Variants in GDPD4 observed in about 807,000 individuals in gnomAD.
The protein encoded by GDPD4 is glycerophosphodiester phosphodiesterase domain containing 4.
Under a neutral mutation model 67.8 loss-of-function variants are expected in GDPD4, and 60 were observed. That is an observed-to-expected ratio of 0.88 (90% CI 0.72 to 1.10). GDPD4 has a LOEUF of 1.10. Ranked by LOEUF, GDPD4 falls within the 50% of genes least tolerant of loss-of-function variation. The probability of loss-of-function intolerance (pLI) is 0.00; values close to 1 mark genes in which losing one functional copy is unlikely to be tolerated. For synonymous variants in GDPD4, 212 were observed against 210.9 expected (o/e 1.00, Z -0.04); for missense variants, 623 against 613.9 (o/e 1.01, Z -0.16).
chr11:77,280,253 T>C (rs547704109), intron 3 of GDPD4, among the ~76,000 whole-genome samples: 1 of 151,762 alleles, frequency 6.6e-6, no homozygotes, highest in Non-Finnish European at 1.5e-5. Flanking sequence ...ATAGAAAAAC[T>C]TGGACCCAAA....
intron 11 of GDPD4, among the ~76,000 whole-genome samples, chr11:77,250,624 AT>A (rs1006172075): frequency 1.2e-4 from 18 of 152,288 alleles, no homozygotes; most frequent in African/African-American, 4.3e-4. Context: ...GATGAAGAGA[AT>A]GTGTATTCCA....
intron 10 of GDPD4, among the ~76,000 whole-genome samples, chr11:77,261,241 C>CTT (rs746464607): frequency 6.9e-6 from 1 of 145,132 alleles, no homozygotes; most frequent in Non-Finnish European, 1.5e-5. Context: ...GGCCTAACAT[C>CTT]TTTTTTTTTT....
intron 1 of GDPD4, among the ~76,000 whole-genome samples, chr11:77,301,107 T>A (rs1204876972): frequency 2.0e-5 from 3 of 152,154 alleles, no homozygotes; most frequent in African/African-American, 7.2e-5. Flanking sequence ...TAAGGGGAGA[T>A]CGAGAAACAC....
At chr11:77,241,187 T>A (rs1488745159) in intron 13 of GDPD4, among the ~76,000 whole-genome samples, 1 of 152,130 alleles carries the variant, frequency 6.6e-6, no homozygotes, top group African/African-American at 2.4e-5. Flanking sequence ...TAAGTGTCCA[T>A]CAAACAGATG....
intron 1 of GDPD4, among the ~76,000 whole-genome samples, chr11:77,294,960 CTTTTTTTT>C (rs144796072): frequency 7.4e-4 from 49 of 66,400 alleles, no homozygotes; most frequent in African/African-American, 2.3e-3. Context: ...TACAACTTTG[CTTTTTTTT>C]TTTTTTTTTT....
chr11:77,242,272 TATAA>T (rs1958682150), intron 13 of GDPD4, among the ~76,000 whole-genome samples: 1 of 152,232 alleles, frequency 6.6e-6, no homozygotes, highest in South Asian at 2.1e-4. Context: ...CATTGTACCC[TATAA>T]ATATATACAG....
chr11:77,282,925 A>G (rs2135886107), intron 3 of GDPD4, among the ~76,000 whole-genome samples: 1 of 152,338 alleles, frequency 6.6e-6, no homozygotes, highest in East Asian at 1.9e-4. Context: ...AAAATAAAGG[A>G]TGGAAAAGAT....
chr11:77,245,369 T>A lies in GDPD4; in HGVS notation c.998A>T (p.His333Leu), dbSNP rs371285012. ...KERKFVIFDL[H>L]RPPPKHPLRH... ...GAGAGGATGTTTTGGTGGAGGGCGATGAAGATCAAATATCACAAATTTTCT... is the reference window on the plus strand; with the variant it reads ...GAGAGGATGTTTTGGTGGAGGGCGAAGAAGATCAAATATCACAAATTTTCT... Residue 333 changes from histidine (H) to leucine (L), a missense_variant, in exon 12 of 17, where the codon CAT becomes CTT. Transcript: ENST00000315938. 2 of 1,614,198 alleles carry A rather than the reference T, an allele frequency of 1.2e-6. No homozygotes were observed. The highest frequency in any genetic ancestry group is 1.7e-6 in the Non-Finnish European group (2 of 1,180,026).
chr11:77,231,797 A>C (rs75474102), intron 14 of GDPD4, among the ~76,000 whole-genome samples: 2,384 of 152,298 alleles, frequency 0.016, 55 homozygotes, highest in South Asian at 0.03. Context: ...AAAAACACAT[A>C]GTATATACAT....
chr11:77,235,014 T>G (rs868561306), intron 13 of GDPD4, among the ~76,000 whole-genome samples: 15 of 69,938 alleles, frequency 2.1e-4, no homozygotes, highest in Non-Finnish European at 3.1e-4. Context: ...TATCTGTTTT[T>G]TTTTTTTTTT....
intron 16 of GDPD4, among the ~76,000 whole-genome samples, chr11:77,225,922 C>T (rs890484858): frequency 6.6e-6 from 1 of 152,186 alleles, no homozygotes; most frequent in Non-Finnish European, 1.5e-5. Context: ...TGATTCTAAA[C>T]TTGGTCCTGC....
At chr11:77,235,616 C>T (rs1368244460) in intron 13 of GDPD4, among the ~76,000 whole-genome samples, 1 of 152,202 alleles carries the variant, frequency 6.6e-6, no homozygotes, top group Non-Finnish European at 1.5e-5. Context: ...AACTAGACAG[C>T]TACAGTTTCT....
intron 16 of GDPD4, among the ~76,000 whole-genome samples, chr11:77,222,473 T>C (rs1446319764): frequency 3.9e-5 from 6 of 152,156 alleles, no homozygotes; most frequent in Non-Finnish European, 5.9e-5. Flanking sequence ...TTTATTTCTC[T>C]TTCACTTATG....
intron 1 of GDPD4, among the ~76,000 whole-genome samples, chr11:77,294,396 T>G (rs1937880757): frequency 6.6e-6 from 1 of 152,208 alleles, no homozygotes; most frequent in African/African-American, 2.4e-5. Context: ...AAACACATAC[T>G]TAGGTATAAA....
At chr11:77,248,051 C>CAAAAAAAA (rs34252021) in intron 11 of GDPD4, among the ~76,000 whole-genome samples, 1 of 62,692 alleles carries the variant, frequency 1.6e-5, no homozygotes, top group Non-Finnish European at 2.7e-5. Flanking sequence ...AACTCCGTCT[C>CAAAAAAAA]AAAAAAAAAA....
At chr11:77,301,163 C>T (rs1047914135) in intron 1 of GDPD4, among the ~76,000 whole-genome samples, 5 of 152,090 alleles carry the variant, frequency 3.3e-5, no homozygotes, top group Admixed American at 3.3e-4. Context: ...CTCATATATC[C>T]GACAGGCTAC....
Position 77,216,930 on chromosome 11 carries a change from C to A in GDPD4, c.*347G>T, listed in dbSNP as rs1194780707. The A allele has an allele frequency of 1.1e-5, 8 of 701,328 alleles. No individual in the cohort carries two copies. The highest frequency in any genetic ancestry group is 1.3e-5 in the Non-Finnish European group (5 of 384,382). 43.4% of individuals were successfully genotyped at this position (701,328 alleles called of 1,614,324 possible). A position where few individuals can be genotyped will look rare whatever the true frequency, so the allele number is the denominator to read the frequency against. ...TCAGCCATGGGGATCTCTTAGAGGT[C>A]TCTTATTTAAGGATAGGGGACCTCT... On this transcript the variant is annotated 3_prime_UTR_variant, in exon 17 of 17. Transcript: ENST00000315938.
intron 10 of GDPD4, among the ~76,000 whole-genome samples, chr11:77,268,042 T>TC (rs1323718704): frequency 2.0e-5 from 3 of 152,154 alleles, no homozygotes; most frequent in African/African-American, 7.2e-5. Flanking sequence ...ATCCCATGTC[T>TC]CCTTCACTAG....
At chr11:77,250,983 T>C (rs896439239) in intron 11 of GDPD4, among the ~76,000 whole-genome samples, 2 of 152,196 alleles carry the variant, frequency 1.3e-5, no homozygotes, top group Non-Finnish European at 2.9e-5. Context: ...CTGCTTGCTT[T>C]TGGTTTCTGT....
Sources: allele counts gnomAD v4.1 joint callset (sites outside exome capture counted in the v4.1 genomes callset), GRCh38; gene constraint gnomAD v4.1.1; transcripts MANE v1.5; gene names NCBI Gene and HGNC (gene_info 2026-07-23, HGNC 2026-07-21).